MAGI2: variants seen among roughly 807,000 people sequenced by gnomAD.
MAGI2 encodes membrane associated guanylate kinase, WW and PDZ domain containing 2, also known as membrane-associated guanylate kinase, WW and PDZ domain-containing protein 2.
In MAGI2, 35 loss-of-function variants were observed where a neutral mutation model predicts 133.3. That is an observed-to-expected ratio of 0.26 (90% confidence interval 0.20 to 0.35). MAGI2 has a LOEUF of 0.35. Ranked by LOEUF, MAGI2 falls within the 10% of genes least tolerant of loss-of-function variation. The pLI is 1.00. For missense variants in MAGI2, 1,636 were observed against 1,863.4 expected (o/e 0.88, Z 2.25); for synonymous variants, 729 against 710.6 (o/e 1.03, Z -0.41).
chr7:79,410,700 C>T (rs1479823857), intron 1 of MAGI2: 3 of 152,126 alleles, frequency 2.0e-5, no homozygotes, highest in East Asian at 3.9e-4. Flanking sequence ...GTTTATTTGT[C>T]AGTTTCATAG....
At chr7:79,096,247 G>C (rs1817500910) in intron 1 of MAGI2, among the ~76,000 whole-genome samples, 1 of 152,096 alleles carries the variant, frequency 6.6e-6, no homozygotes, top group African/African-American at 2.4e-5. Flanking sequence ...AAGAGGTCAG[G>C]GTAGTTATTC....
intron 3 of MAGI2, among the ~76,000 whole-genome samples, chr7:78,554,858 C>A (rs766253362): frequency 6.6e-5 from 10 of 152,002 alleles, no homozygotes; most frequent in African/African-American, 2.2e-4. Context: ...ATAGTTTGGC[C>A]GGGCATGGTG....
At chr7:78,295,509 A>G (rs886839086) in intron 9 of MAGI2, among the ~76,000 whole-genome samples, 3 of 152,166 alleles carry the variant, frequency 2.0e-5, no homozygotes, top group Non-Finnish European at 2.9e-5. Context: ...CGTCCTCAGT[A>G]TCATCGCACA....
intron 1 of MAGI2, among the ~76,000 whole-genome samples, chr7:79,091,943 C>T (rs369595339): frequency 1.3e-5 from 2 of 151,928 alleles, no homozygotes; most frequent in Non-Finnish European, 2.9e-5. Context: ...ATATTTGACT[C>T]ATGGACCATA....
intron 1 of MAGI2, among the ~76,000 whole-genome samples, chr7:79,052,922 T>G (rs531692342): frequency 6.6e-4 from 100 of 152,278 alleles, no homozygotes; most frequent in Non-Finnish European, 4.4e-5. Flanking sequence ...TTTAATATAG[T>G]TGAAATGAAA....
rs139527505 is a variant in MAGI2 at position 78,393,031 on chromosome 7, A to G, written c.1046-23818T>C. Among the ~76,000 whole-genome samples, 5 of 152,328 alleles carry G rather than the reference A, an allele frequency of 3.3e-5. No individual in the cohort carries two copies. The East Asian group carries it at 9.6e-4, about 29-fold the overall frequency. ...TCCAGGACAGTGCATGGAATATAAT[A>G]GTAAAAAAAACGATTAGAACCAGGA... On this transcript the variant is annotated intron_variant, in intron 6 of 21. Transcript: ENST00000354212.
intron 2 of MAGI2, among the ~76,000 whole-genome samples, chr7:78,922,120 T>A (rs1228995595): frequency 1.7e-5 from 2 of 118,384 alleles, no homozygotes; most frequent in Non-Finnish European, 3.8e-5. Flanking sequence ...GGAGTACACT[T>A]GATTCTTTCT....
At chr7:79,152,782 A>G (rs568995860) in intron 1 of MAGI2, among the ~76,000 whole-genome samples, 1 of 152,318 alleles carries the variant, frequency 6.6e-6, no homozygotes, top group East Asian at 1.9e-4. Flanking sequence ...GAATACCCAC[A>G]TCATACCTGT....
intron 3 of MAGI2, among the ~76,000 whole-genome samples, chr7:78,573,321 A>AATATATATATTTATATAT (rs1801885080): frequency 3.9e-5 from 2 of 51,426 alleles, no homozygotes; most frequent in African/African-American, 1.9e-4. Context: ...TAAATATATA[A>AATATATATATTTATATAT]ATATATATAT....
intron 9 of MAGI2, among the ~76,000 whole-genome samples, chr7:78,284,665 GACATGAATTCTA>G (rs1368152700): frequency 5.3e-5 from 8 of 152,110 alleles, no homozygotes; most frequent in African/African-American, 1.7e-4. Context: ...ACCAGCTCAG[GACATGAATTCTA>G]ACATGAATTC....
chr7:79,428,638 A>G (rs1847561355), intron 1 of MAGI2, among the ~76,000 whole-genome samples: 1 of 152,200 alleles, frequency 6.6e-6, no homozygotes, highest in Admixed American at 6.5e-5. Context: ...AATTATTATA[A>G]TCATCACCAT....
chr7:78,298,132 T>A (rs1454443778), intron 9 of MAGI2, among the ~76,000 whole-genome samples: 1 of 152,150 alleles, frequency 6.6e-6, no homozygotes, highest in Non-Finnish European at 1.5e-5. Context: ...CTCAGTATAA[T>A]CATGAGCAAA....
intron 2 of MAGI2, among the ~76,000 whole-genome samples, chr7:78,658,687 G>T (rs1276299071): frequency 6.6e-6 from 1 of 152,098 alleles, no homozygotes; most frequent in African/African-American, 2.4e-5. Context: ...GTGGATATAC[G>T]GATGGCAAAT....
chr7:79,020,785 A>G (rs1809247240), intron 1 of MAGI2, among the ~76,000 whole-genome samples: 1 of 151,636 alleles, frequency 6.6e-6, no homozygotes, highest in Admixed American at 6.6e-5. Context: ...AAAAGGAAAG[A>G]AAAAAGAAAT....
At chr7:79,261,481 A>T (rs10237509) in intron 1 of MAGI2, among the ~76,000 whole-genome samples, 130,501 of 152,210 alleles carry the variant, frequency 0.86, 56,098 homozygotes, top group African/African-American at 0.91. Context: ...CGTCAAATCC[A>T]CTTCCTCAAA....
intron 2 of MAGI2, among the ~76,000 whole-genome samples, chr7:78,960,584 T>A (rs1802754776): frequency 1.3e-5 from 2 of 152,136 alleles, no homozygotes; most frequent in African/African-American, 2.4e-5. Context: ...TGATGGAGGT[T>A]GAGTTTTCAG....
At chr7:78,232,496 T>C (rs531212175) in intron 10 of MAGI2, among the ~76,000 whole-genome samples, 1 of 152,300 alleles carries the variant, frequency 6.6e-6, no homozygotes, top group South Asian at 2.1e-4. Context: ...CTCTTAACAA[T>C]CGGAGATTCG....
At chr7:79,305,464 C>T (rs925134676) in intron 1 of MAGI2, among the ~76,000 whole-genome samples, 3 of 152,166 alleles carry the variant, frequency 2.0e-5, no homozygotes, top group Non-Finnish European at 4.4e-5. Flanking sequence ...CGTATTAATA[C>T]CTCATTCTTT....
intron 1 of MAGI2, among the ~76,000 whole-genome samples, chr7:79,182,890 CA>C (rs1462937797): frequency 1.3e-5 from 2 of 151,870 alleles, no homozygotes; most frequent in African/African-American, 4.8e-5. Context: ...GAAATCATGT[CA>C]TTTGCAGCAA....
Sources: allele counts gnomAD v4.1 joint callset (sites outside exome capture counted in the v4.1 genomes callset), GRCh38; gene constraint gnomAD v4.1.1; transcripts MANE v1.5; gene names NCBI Gene and HGNC (gene_info 2026-07-23, HGNC 2026-07-21).